The following MTCH2 variants were observed in gnomAD, a reference collection of about 807,000 sequenced individuals.
The protein encoded by MTCH2 is mitochondrial carrier homolog 2.
Under a neutral mutation model 50.6 loss-of-function variants are expected in MTCH2, and 25 were observed. The ratio of observed to expected loss-of-function variants is 0.49; its 90% CI spans 0.36 to 0.69. The LOEUF (loss-of-function observed/expected upper bound fraction) is 0.69, where lower values mean the gene tolerates loss of function less well. Ranked by LOEUF, MTCH2 falls within the 30% of genes least tolerant of loss-of-function variation. The pLI is 0.00. For missense variants in MTCH2, 273 were observed against 384.4 expected, an observed-to-expected ratio of 0.71 and a Z score of 2.42; for synonymous variants, 106 against 132.0, an observed-to-expected ratio of 0.80 and a Z score of 1.35.
chr11:47,641,839 T>G (rs2097314459), intron 1 of MTCH2, among the ~76,000 whole-genome samples: 1 of 152,084 alleles, frequency 6.6e-6, no homozygotes, highest in Admixed American at 6.6e-5. Context: ...GAGCTCCTTG[T>G]GTTTCTCTCA....
chr11:47,627,022 G>T, intron 10 of MTCH2, 58 bp downstream of exon 10: 1 of 1,356,384 alleles, frequency 7.4e-7, no homozygotes, highest in Non-Finnish European at 1.0e-6. Flanking sequence ...GATTTAAAAG[G>T]AAAACAAAAC....
chr11:47,635,111 G>A (rs7109012), intron 4 of MTCH2, among the ~76,000 whole-genome samples: 149,559 of 151,982 alleles, frequency 0.98, 73,618 homozygotes, highest in East Asian at 1. Flanking sequence ...ATAGGGTCTC[G>A]CTCTGTCACT....
chr11:47,640,093 C>T (rs1030006403), intron 1 of MTCH2, among the ~76,000 whole-genome samples: 7 of 151,954 alleles, frequency 4.6e-5, no homozygotes, highest in Admixed American at 2.6e-4. Flanking sequence ...CTTTGGGAGG[C>T]CAAGGTGGGC....
At chr11:47,623,319 C>T (rs561299362) in intron 11 of MTCH2, among the ~76,000 whole-genome samples, 11 of 147,096 alleles carry the variant, frequency 7.5e-5, no homozygotes, top group African/African-American at 2.3e-4. Context: ...TTGCAGTGAG[C>T]CAAGATTGCA....
rs1331846016 is a variant in MTCH2, at chr11:47,625,853, C to T, written c.682-112G>A. The T allele has an allele frequency of 1.4e-5, 10 of 731,644 alleles. No homozygotes were observed. The East Asian group carries it at 2.2e-4, about 16-fold the overall frequency. 45.3% of individuals were successfully genotyped at this position (731,644 alleles called of 1,614,324 possible). The stretch of plus-strand genomic sequence containing the variant: ...CGGTGAGACACTCTAACACTTGTCT[C>T]GCTTCATCGGTACCCTGGAAAGACA... On this transcript the variant is annotated intron_variant, in intron 10 of 12. Transcript: ENST00000302503.
chr11:47,612,296 G>A, the MTCH2 span, among the ~76,000 whole-genome samples: 9 of 151,784 alleles, frequency 5.9e-5, no homozygotes, highest in African/African-American at 9.7e-5. Flanking sequence ...GGCCGGGCGC[G>A]GTGGCTCACG....
intron 11 of MTCH2, among the ~76,000 whole-genome samples, chr11:47,624,273 G>C (rs563823801): frequency 1.6e-4 from 24 of 149,530 alleles, no homozygotes; most frequent in Non-Finnish European, 2.4e-4. Context: ...CAACTCAGTA[G>C]AGTCACTTGG....
chr11:47,632,488 G>A (rs2097303976), intron 5 of MTCH2, among the ~76,000 whole-genome samples: 1 of 151,616 alleles, frequency 6.6e-6, no homozygotes, highest in Non-Finnish European at 1.5e-5. Context: ...CAAGTAGCTG[G>A]GACTACAGGC....
chr11:47,606,665 ATTAT>A, the MTCH2 span, among the ~76,000 whole-genome samples: 5 of 152,144 alleles, frequency 3.3e-5, no homozygotes, highest in Admixed American at 1.3e-4. Context: ...TTTTTCTGGG[ATTAT>A]TTATTTATCC....
chr11:47,626,987 C>A, intron 10 of MTCH2, 93 bp downstream of exon 10: 2 of 944,556 alleles, frequency 2.1e-6, no homozygotes, highest in South Asian at 1.6e-5. Context: ...ATCTGGTTAT[C>A]TTAAAGCAGT....
At position 47,622,737 on chromosome 11, in the gene MTCH2, C is replaced by T. The variant is rs72909882; in HGVS notation, c.789G>A (p.Thr263=). The T allele has an allele frequency of 1.4e-5, 20 of 1,445,832 alleles. No homozygotes were observed. Among genetic ancestry groups the T allele is most frequent in the Admixed American group, 6.2e-5 (3 of 48,014 alleles). The allele number at this position is 1,445,832 out of a possible 1,614,324, so 89.6% of individuals were successfully genotyped here. A position where few individuals can be genotyped will look rare whatever the true frequency, so the allele number is the denominator to read the frequency against. ...GCATGCACCAACAGTCTATCCAAGA[C>T]GTATATATTGGGGAGTAAGGAGGGC... is the stretch of plus-strand genomic sequence containing the variant. The part of the protein sequence containing the change: ...GGCPPYSPIY[T]SWIDCWCMLQ... The change falls in exon 12 of 13, where the codon ACG becomes ACA. Residue 263 remains threonine (T), a synonymous_variant. Coordinates refer to ENST00000302503, the MANE Select transcript of MTCH2 (RefSeq NM_014342.4).
In MTCH2 at chr11:47,622,718, A is replaced by G; in HGVS notation, c.808T>C (p.Cys270Arg). ...AGAAATACCTCTTTTTGTAGCATGC[A>G]CCAACAGTCTATCCAAGACGTATAT... ...PIYTSWIDCW[C>R]MLQKEGNMSR... The change falls in exon 12 of 13, where the codon TGC becomes CGC. Residue 270 changes from cysteine to arginine, a missense_variant. Physicochemically the swap from Cys to Arg is radical, Grantham distance 180. Coordinates refer to ENST00000302503, the MANE Select transcript of MTCH2 (RefSeq NM_014342.4). 2 of 1,395,100 alleles carry G rather than the reference A, an allele frequency of 1.4e-6. No homozygotes were observed. Among genetic ancestry groups the G allele is most frequent in the Non-Finnish European group, 1.9e-6 (2 of 1,075,344 alleles). The allele number at this position is 1,395,100 out of a possible 1,614,324, so 86.4% of individuals were successfully genotyped here. A position where few individuals can be genotyped will look rare whatever the true frequency, so the allele number is the denominator to read the frequency against.
intron 8 of MTCH2, 34 bp from the exon 9 acceptor site, chr11:47,629,080 A>T: frequency 6.5e-7 from 1 of 1,538,238 alleles, no homozygotes; most frequent in Non-Finnish European, 8.9e-7. Flanking sequence ...AAGAACCAAA[A>T]AATGTGATCA....
downstream of MTCH2, among the ~76,000 whole-genome samples, chr11:47,616,366 CTTTT>C (rs762038724): frequency 6.6e-6 from 1 of 151,762 alleles, no homozygotes; most frequent in Non-Finnish European, 1.5e-5. Context: ...TTTTCTTTTT[CTTTT>C]TTTTAAGAGA....
At chr11:47,628,859 T>C (rs2097300462) in intron 9 of MTCH2, 94 bp downstream of exon 9, 1 of 1,131,860 alleles carries the variant, frequency 8.8e-7, no homozygotes, top group Non-Finnish European at 1.3e-6. Context: ...ATTACAGGTG[T>C]GAGCCACCTC....
chr11:47,619,666 T>C (rs1391915901), intron 12 of MTCH2, among the ~76,000 whole-genome samples: 2 of 151,630 alleles, frequency 1.3e-5, no homozygotes, highest in African/African-American at 4.9e-5. Context: ...AAAGGCCGGG[T>C]GTGATGGTTC....
chr11:47,621,928 G>A (rs2097293685), intron 12 of MTCH2, among the ~76,000 whole-genome samples: 1 of 152,084 alleles, frequency 6.6e-6, no homozygotes, highest in Non-Finnish European at 1.5e-5. Context: ...GAAGTGCGGT[G>A]ATGCAATCTT....
chr11:47,639,668 G>A (rs1205683593), intron 1 of MTCH2, among the ~76,000 whole-genome samples: 5 of 152,032 alleles, frequency 3.3e-5, no homozygotes, highest in Non-Finnish European at 5.9e-5. Context: ...GTGAAACCCT[G>A]TCTCTACTAG....
intron 1 of MTCH2, among the ~76,000 whole-genome samples, chr11:47,640,876 T>C (rs984218074): frequency 6.6e-6 from 1 of 151,266 alleles, no homozygotes; most frequent in African/African-American, 2.4e-5. Flanking sequence ...CAGAGAAGTA[T>C]TGAGTAGTGG....
Sources: gnomAD v4.1 joint callset for allele counts (sites outside exome capture counted in the v4.1 genomes callset) on GRCh38, gnomAD v4.1.1 for gene constraint, MANE v1.5 for transcripts, NCBI Gene and HGNC (gene_info 2026-07-23, HGNC 2026-07-21) for gene names.